Variants in TP53BP1 observed in about 807,000 individuals in gnomAD.
TP53BP1 encodes tumor protein p53 binding protein 1, also known as TP53-binding protein 1.
In TP53BP1, 61 loss-of-function variants were observed where a neutral mutation model predicts 200.8. That is an observed-to-expected ratio of 0.30 (90% CI 0.25 to 0.38). TP53BP1 has a LOEUF of 0.38. Among genes scored for constraint, TP53BP1 ranks in the 10% least tolerant of loss-of-function variants. TP53BP1 has a pLI of 1.00. For missense variants in TP53BP1, 2,144 were observed against 2,371.9 expected (o/e 0.90, Z 2.00); for synonymous variants, 822 against 844.3 (o/e 0.97, Z 0.46).
intron 12 of TP53BP1, among the ~76,000 whole-genome samples, chr15:43,451,492 TGTC>T (rs900005653): frequency 4.6e-5 from 7 of 152,198 alleles, no homozygotes; most frequent in African/African-American, 1.4e-4. Context: ...ATTTCATCCA[TGTC>T]CCTACAAAGG....
rs780634941 is a variant in TP53BP1, at chr15:43,408,139, A to G, written c.5601-51T>C. 3.2e-6 allele frequency: 5 copies of G among 1,577,518 alleles called. No individual in the cohort carries two copies. In the African/African-American group the frequency reaches 6.8e-5, roughly 21 times the overall value. ...TAGCATGACAAGTAATATCCAACAA[A>G]CTGCCTTTCTGCAAAGGGACTCATG... On this transcript the variant is annotated intron_variant, in intron 26 of 27. Transcript: ENST00000382044.
At chr15:43,505,637 G>A (rs1050147321) in intron 1 of TP53BP1, among the ~76,000 whole-genome samples, 3 of 152,194 alleles carry the variant, frequency 2.0e-5, no homozygotes, top group African/African-American at 7.2e-5. Flanking sequence ...TTTACTTAAT[G>A]TGAACAAATA....
chr15:43,475,651 C>T lies in TP53BP1; in HGVS notation c.999G>A (p.Gly333=). Reference sequence around the variant, plus strand: ...TGGCAGGAGTGGAAGCCAAAGAACACCCACCTTCCTCCCTTGAAGGAGTAG... The same window carrying T: ...TGGCAGGAGTGGAAGCCAAAGAACATCCACCTTCCTCCCTTGAAGGAGTAG... ...GCSTPSREEG[G]CSLASTPATT... is the part of the protein sequence containing the mutation. The change falls in exon 9 of 28, where the codon GGG becomes GGA. Residue 333 remains glycine, a synonymous_variant. Transcript: ENST00000382044. 1 of 1,613,990 alleles carries T rather than the reference C, an allele frequency of 6.2e-7. No homozygotes were observed. The highest frequency in any genetic ancestry group is 8.5e-7 in the Non-Finnish European group (1 of 1,180,016).
chr15:43,455,809 G>C, intron 12 of TP53BP1, 83 bp downstream of exon 12: 6 of 1,490,560 alleles, frequency 4.0e-6, no homozygotes, highest in Non-Finnish European at 5.5e-6. Flanking sequence ...GTTCACTCCT[G>C]ACATAAGCAT....
chr15:43,444,515 G>A (rs1258170662), intron 14 of TP53BP1, among the ~76,000 whole-genome samples: 10 of 152,158 alleles, frequency 6.6e-5, no homozygotes, highest in Non-Finnish European at 1.5e-4. Flanking sequence ...AAGTACCACA[G>A]CATCAAAGAT....
upstream of TP53BP1, among the ~76,000 whole-genome samples, chr15:43,495,464 A>G (rs1251610862): frequency 1.4e-5 from 2 of 146,430 alleles, no homozygotes; most frequent in Non-Finnish European, 3.0e-5. Context: ...GTGCCACTGC[A>G]CTCCAGCGTG....
In TP53BP1 at chr15:43,405,305, A is replaced by T. The variant is rs2044832502; in HGVS notation, c.*2078T>A. 2 of 1,454,374 alleles carry T rather than the reference A, an allele frequency of 1.4e-6. No individual in the cohort carries two copies. Among genetic ancestry groups the T allele is most frequent in the African/African-American group, 2.8e-5 (2 of 71,432 alleles). 90.1% of individuals were successfully genotyped at this position (1,454,374 alleles called of 1,614,324 possible). ...ATCCCATTCTAGCCACACACAAATA[A>T]ATATCTGCGGCTTAGTGATAGGACT... On this transcript the variant is annotated 3_prime_UTR_variant, in exon 28 of 28. Transcript: ENST00000382044.
intron 11 of TP53BP1, among the ~76,000 whole-genome samples, chr15:43,458,868 G>T (rs889726034): frequency 1.3e-5 from 2 of 152,072 alleles, no homozygotes; most frequent in Admixed American, 6.5e-5. Context: ...ATTGCTGCTG[G>T]GAATGCAAAA....
chr15:43,491,712 T>C lies in TP53BP1; in HGVS notation c.328A>G (p.Ser110Gly). ...SSNLDTCGSI[S>G]QVIEQLPQPN... Reference sequence around the variant, plus strand: ...TGAGGTAACTGCTCAATGACCTGACTGATGGAACCACATGTGTCCAAGTTA... The same window carrying C: ...TGAGGTAACTGCTCAATGACCTGACCGATGGAACCACATGTGTCCAAGTTA... The change falls in exon 4 of 28, where the codon AGT becomes GGT. Residue 110 changes from serine (S) to glycine (G), a missense_variant. Around this residue, in one of 4 missense-constraint regions of TP53BP1, gnomAD observed 1,700 missense variants for 1,710.3 expected, o/e 0.99. Coordinates refer to ENST00000382044, the MANE Select transcript of TP53BP1 (RefSeq NM_001141980.3). 1 of 1,614,132 alleles carries C rather than the reference T, an allele frequency of 6.2e-7. No individual in the cohort carries two copies. The highest frequency in any genetic ancestry group is 8.5e-7 in the Non-Finnish European group (1 of 1,180,010).
intron 1 of TP53BP1, among the ~76,000 whole-genome samples, chr15:43,504,879 G>GT (rs2079228163): frequency 6.6e-6 from 1 of 152,222 alleles, no homozygotes; most frequent in African/African-American, 2.4e-5. Context: ...AATTAGCCAG[G>GT]TGTGTTGGTG....
intron 4 of TP53BP1, among the ~76,000 whole-genome samples, chr15:43,485,755 A>T (rs946799505): frequency 6.6e-6 from 1 of 151,500 alleles, no homozygotes; most frequent in Non-Finnish European, 1.5e-5. Context: ...AGGGACAAGG[A>T]TCGCTTGAAC....
intron 11 of TP53BP1, among the ~76,000 whole-genome samples, chr15:43,467,054 G>C (rs576480806): frequency 1.3e-5 from 2 of 149,008 alleles, no homozygotes; most frequent in Admixed American, 6.7e-5. Context: ...ATGTTGTAAA[G>C]GTATTCTTTT....
At chr15:43,458,812 A>G (rs1181547304) in intron 11 of TP53BP1, among the ~76,000 whole-genome samples, 1 of 152,014 alleles carries the variant, frequency 6.6e-6, no homozygotes, top group Admixed American at 6.6e-5. Flanking sequence ...AAAGGTTCAC[A>G]AAACCCAGGA....
At chr15:43,472,033 A>G (rs1158581242) in intron 10 of TP53BP1, among the ~76,000 whole-genome samples, 1 of 152,224 alleles carries the variant, frequency 6.6e-6, no homozygotes, top group Non-Finnish European at 1.5e-5. Flanking sequence ...CATTTGAAAA[A>G]CTGTTAAATG....
At chr15:43,455,782 CAT>C (rs2046278780) in intron 12 of TP53BP1, 108 bp downstream of exon 12, 1 of 1,300,600 alleles carries the variant, frequency 7.7e-7, no homozygotes, top group Non-Finnish European at 1.0e-6. Context: ...TGTTCATAAA[CAT>C]AAACCAAAGA....
intron 4 of TP53BP1, among the ~76,000 whole-genome samples, chr15:43,486,744 C>G (rs1350302377): frequency 6.6e-6 from 1 of 152,116 alleles, no homozygotes; most frequent in Non-Finnish European, 1.5e-5. Context: ...CCACCTCAGC[C>G]TCCTGAGTAG....
At chr15:43,409,282 T>C in intron 25 of TP53BP1, 186 bp from the exon 26 acceptor site, 2 of 616,768 alleles carry the variant, frequency 3.2e-6, no homozygotes, top group South Asian at 3.9e-5. Context: ...ATAGATGTTC[T>C]CTCTGCCTCA....
chr15:43,471,187 A>T (rs1021127262), intron 10 of TP53BP1, among the ~76,000 whole-genome samples: 1 of 151,706 alleles, frequency 6.6e-6, no homozygotes, highest in Non-Finnish European at 1.5e-5. Flanking sequence ...CAAATGCATT[A>T]AATCTAAAAT....
At position 43,491,900 on chromosome 15, in the gene TP53BP1, C is replaced by T. The variant is rs569855187; in HGVS notation, c.286+102G>A. 31 of 1,122,778 alleles carry T rather than the reference C, an allele frequency of 2.8e-5. No homozygotes were observed. The East Asian group carries it at 7.1e-4, about 26-fold the overall frequency. The allele number at this position is 1,122,778 out of a possible 1,614,324, so 69.6% of individuals were successfully genotyped here. A position where few individuals can be genotyped will look rare whatever the true frequency, so the allele number is the denominator to read the frequency against. The stretch of plus-strand genomic sequence containing the variant: ...ACTACGCAGATACCACAGTAGGCTT[C>T]CTTACATACATTCGACACAACCACA... On this transcript the variant is annotated intron_variant, in intron 3 of 27. Coordinates refer to ENST00000382044, the MANE Select transcript of TP53BP1 (RefSeq NM_001141980.3).
Sources: allele counts gnomAD v4.1 joint callset (sites outside exome capture counted in the v4.1 genomes callset), GRCh38; gene constraint gnomAD v4.1.1; regional missense constraint gnomAD v4.1.1; transcripts MANE v1.5; gene names NCBI Gene and HGNC (gene_info 2026-07-23, HGNC 2026-07-21).